Variants in BRWD1 observed in about 807,000 individuals in gnomAD.
BRWD1 encodes the protein bromodomain and WD repeat-containing protein 1.
Under a neutral mutation model 251.2 loss-of-function variants are expected in BRWD1, and 82 were observed. That is an observed-to-expected ratio of 0.33 (90% CI 0.27 to 0.39). The LOEUF (loss-of-function observed/expected upper bound fraction) is 0.39, where lower values mean the gene tolerates loss of function less well. Ranked by LOEUF, BRWD1 falls within the 10% of genes least tolerant of loss-of-function variation. The pLI, the probability that BRWD1 is intolerant of heterozygous loss-of-function variation, is 1.00. For synonymous variants in BRWD1, 918 were observed against 902.8 expected (o/e 1.02, Z -0.30); for missense variants, 2,233 against 2,711.6 (o/e 0.82, Z 3.92).
At chr21:39,296,037 A>G (rs2035953452) in intron 6 of BRWD1, 134 bp from the exon 7 acceptor site, 3 of 758,746 alleles carry the variant, frequency 4.0e-6, no homozygotes, top group Non-Finnish European at 5.8e-6. Flanking sequence ...TTTCTTCCCA[A>G]TTCTATTCTT....
At chr21:39,230,380 G>T (rs1299076282) in intron 25 of BRWD1, among the ~76,000 whole-genome samples, 1 of 152,052 alleles carries the variant, frequency 6.6e-6, no homozygotes, top group Admixed American at 6.5e-5. Context: ...ACCAAACAAA[G>T]TGCTAAGCAT....
intron 8 of BRWD1, among the ~76,000 whole-genome samples, chr21:39,291,934 A>T (rs1254229985): frequency 1.3e-5 from 2 of 152,080 alleles, no homozygotes; most frequent in Non-Finnish European, 2.9e-5. Flanking sequence ...CCAATGTTTC[A>T]GGCATAAGTC....
intron 7 of BRWD1, among the ~76,000 whole-genome samples, chr21:39,295,249 C>T (rs963193287): frequency 2.6e-5 from 3 of 114,544 alleles, no homozygotes; most frequent in East Asian, 2.9e-4. Context: ...AGCAGTGGGG[C>T]GATTTCTGCA....
At chr21:39,320,214 G>T (rs953749101) in intron 1 of BRWD1, among the ~76,000 whole-genome samples, 2 of 152,158 alleles carry the variant, frequency 1.3e-5, no homozygotes, top group African/African-American at 4.8e-5. Flanking sequence ...CTCCTTTCCT[G>T]CCAAGCCACA....
chr21:39,317,594 A>G (rs1478187248), upstream of BRWD1, among the ~76,000 whole-genome samples: 3 of 152,250 alleles, frequency 2.0e-5, no homozygotes, highest in African/African-American at 4.8e-5. Context: ...TCCCTTGGCC[A>G]CGTTTCACAA....
chr21:39,288,286 A>C (rs2035703641), intron 8 of BRWD1, among the ~76,000 whole-genome samples: 1 of 152,192 alleles, frequency 6.6e-6, no homozygotes, highest in Non-Finnish European at 1.5e-5. Flanking sequence ...AGAAACACTG[A>C]AAGTCACATT....
In BRWD1 at chr21:39,284,376, G is replaced by T. The variant is rs141624452; in HGVS notation, c.832-4128C>A. Among the ~76,000 whole-genome samples, 648 of 152,236 alleles carry T rather than the reference G, an allele frequency of 4.3e-3. 5 individuals carry two copies. The highest frequency in any genetic ancestry group is 0.015 in the African/African-American group (608 of 41,522). On this transcript the variant is annotated intron_variant, in intron 8 of 40. Coordinates refer to ENST00000342449, the MANE Select transcript of BRWD1 (RefSeq NM_033656.4). ...CACCTATAGTCCCAGCTACTCAGAA[G>T]GCTGAGGCAGGAGGATGACTTGAGC...
At chr21:39,315,468 T>C (rs936809875), upstream of BRWD1, among the ~76,000 whole-genome samples, 1 of 151,930 alleles carries the variant, frequency 6.6e-6, no homozygotes. Context: ...CCCCCGTCTC[T>C]ACTAAAAATA....
At chr21:39,266,740 G>T (rs1036892901) in intron 15 of BRWD1, among the ~76,000 whole-genome samples, 1 of 152,136 alleles carries the variant, frequency 6.6e-6, no homozygotes, top group African/African-American at 2.4e-5. Flanking sequence ...AGTTTATTAC[G>T]TATTCATGAA....
At chr21:39,235,845 G>T (rs1380529797) in intron 23 of BRWD1, 2 of 167,926 alleles carry the variant, frequency 1.2e-5, no homozygotes, top group South Asian at 1.5e-4. Flanking sequence ...GAGCTCCACA[G>T]CTCCCATCTC....
chr21:39,216,698 A>G, intron 31 of BRWD1: 1 of 420,126 alleles, frequency 2.4e-6, no homozygotes, highest in Non-Finnish European at 4.7e-6. Flanking sequence ...AACTTAGAGA[A>G]ACCTGCTTTT....
chr21:39,269,847 T>C (rs2035044455), intron 15 of BRWD1, 52 bp downstream of exon 15: 3 of 1,376,492 alleles, frequency 2.2e-6, no homozygotes, highest in East Asian at 2.6e-5. Flanking sequence ...ATAACCCAAA[T>C]ACTCTAAACA....
rs2031392084 is a variant in BRWD1 at position 39,188,854 on chromosome 21, A to G, written c.*7405T>C. On this transcript the variant is annotated 3_prime_UTR_variant, in exon 41 of 41. Coordinates refer to ENST00000342449, the MANE Select transcript of BRWD1 (RefSeq NM_033656.4). ...GTTTTTCCAGTGAAATTCTAAGGGC[A>G]CTATGTTTTGTTCAGTGTTCAGTCT... The G allele has an allele frequency of 2.0e-6, 2 of 985,396 alleles. No individual in the cohort carries two copies. Among genetic ancestry groups the G allele is most frequent in the Non-Finnish European group, 2.4e-6 (2 of 829,914 alleles). 61.0% of individuals were successfully genotyped at this position (985,396 alleles called of 1,614,324 possible).
intron 15 of BRWD1, among the ~76,000 whole-genome samples, chr21:39,267,031 G>C (rs1399539869): frequency 6.6e-6 from 1 of 152,222 alleles, no homozygotes; most frequent in African/African-American, 2.4e-5. Flanking sequence ...TGAAAGGATA[G>C]TTAAGGTAAT....
At chr21:39,184,254 A>G (rs773344281), downstream of BRWD1, 2 of 152,256 alleles carry the variant, frequency 1.3e-5, no homozygotes, top group African/African-American at 2.4e-5. Flanking sequence ...AGGCGATTTA[A>G]AAAACATTTT....
intron 4 of BRWD1, chr21:39,312,422 G>A (rs2036517599): frequency 6.2e-6 from 1 of 162,322 alleles, no homozygotes; most frequent in African/African-American, 2.4e-5. Flanking sequence ...TCTATTCCTA[G>A]GGAACAAGTG....
chr21:39,310,450 C>G (rs973691860), intron 4 of BRWD1, among the ~76,000 whole-genome samples: 11 of 152,056 alleles, frequency 7.2e-5, no homozygotes, highest in Admixed American at 4.6e-4. Flanking sequence ...ACCAGCCTGG[C>G]CAACAGGGTG....
chr21:39,285,715 G>A (rs568209647), intron 8 of BRWD1, among the ~76,000 whole-genome samples: 2 of 152,028 alleles, frequency 1.3e-5, no homozygotes, highest in African/African-American at 2.4e-5. Context: ...TCGAGCCTAG[G>A]AGTGTGACCA....
chr21:39,295,768 T>C lies in BRWD1; in HGVS notation c.584A>G (p.Asp195Gly). The change falls in exon 7 of 41, where the codon GAT becomes GGT. Residue 195 changes from aspartate (D) to glycine (G), a missense_variant. Physicochemically the swap from Asp to Gly is moderately conservative, Grantham distance 94. Coordinates refer to ENST00000342449, the MANE Select transcript of BRWD1 (RefSeq NM_033656.4). ...TGTAAAGATTCTATGTCCTGTCCTA[T>C]CAAATGCTACACAGTAAACAGCAGA... is the stretch of plus-strand genomic sequence containing the variant. ...HLSAVYCVAF[D>G]RTGHRIFTGS... 1 of 1,604,810 alleles carries C rather than the reference T, an allele frequency of 6.2e-7. No individual in the cohort carries two copies. Among genetic ancestry groups the C allele is most frequent in the Non-Finnish European group, 8.5e-7 (1 of 1,174,766 alleles).
Sources: allele counts gnomAD v4.1 joint callset (sites outside exome capture counted in the v4.1 genomes callset), GRCh38; gene constraint gnomAD v4.1.1; transcripts MANE v1.5; gene names NCBI Gene and HGNC (gene_info 2026-07-23, HGNC 2026-07-21).